The following SUGCT variants were observed in gnomAD, a reference collection of about 807,000 sequenced individuals.
SUGCT encodes succinyl-CoA:glutarate CoA-transferase.
A neutral mutation model predicts 55.0 loss-of-function variants in SUGCT; 41 were observed. That is an observed-to-expected ratio of 0.74 (90% CI 0.58 to 0.97). The LOEUF (loss-of-function observed/expected upper bound fraction) is 0.97, where lower values mean the gene tolerates loss of function less well. Ranked by LOEUF, SUGCT falls within the 50% of genes least tolerant of loss-of-function variation. The pLI is 0.00. For synonymous variants in SUGCT, 187 were observed against 200.4 expected, an observed-to-expected ratio of 0.93 and a Z score of 0.56; for missense variants, 568 against 547.8, an observed-to-expected ratio of 1.04 and a Z score of -0.37.
chr7:40,491,538 T>G (rs535280941), intron 11 of SUGCT, among the ~76,000 whole-genome samples: 1 of 152,172 alleles, frequency 6.6e-6, no homozygotes, highest in African/African-American at 2.4e-5. Flanking sequence ...CCTATGATAC[T>G]TAGAAAAAGG....
rs58954731 is a variant in SUGCT at position 40,415,061 on chromosome 7, AATCTATCT to A, written c.817-34179_817-34172del. Reference sequence around the variant, plus strand: ...CTCTGTCACAAAAAAAAAAAAAAAAAATCTATCTATCTATCTATCTATCTATCTATCTA... The same window carrying A: ...CTCTGTCACAAAAAAAAAAAAAAAAAATCTATCTATCTATCTATCTATCTA... On this transcript the variant is annotated intron_variant, in intron 9 of 13. Transcript: ENST00000335693. Among the ~76,000 whole-genome samples, 331 of 63,584 alleles carry A rather than the reference AATCTATCT, an allele frequency of 5.2e-3. 5 individuals carry two copies. The highest frequency in any genetic ancestry group is 0.013 in the African/African-American group (185 of 14,348). 41.7% of individuals were successfully genotyped at this position (63,584 alleles called of 152,430 possible).
At position 40,746,474 on chromosome 7, in the gene SUGCT, G is replaced by C. The variant is rs531477827; in HGVS notation, c.1090-2960G>C. ...ACACGGGGCTCACACCAGCCCATTT[G>C]CCTCATAATTGTATGCATGCTACAG... On this transcript the variant is annotated intron_variant, in intron 12 of 13. Coordinates refer to ENST00000335693, the MANE Select transcript of SUGCT (RefSeq NM_001193313.2). Among the ~76,000 whole-genome samples, 7 of 152,278 alleles carry C rather than the reference G, an allele frequency of 4.6e-5. No individual in the cohort carries two copies. The South Asian group carries it at 1.5e-3, about 32-fold the overall frequency.
At chr7:40,537,272 G>A (rs1441776839) in intron 12 of SUGCT, among the ~76,000 whole-genome samples, 1 of 152,130 alleles carries the variant, frequency 6.6e-6, no homozygotes, top group African/African-American at 2.4e-5. Flanking sequence ...TGAGTTCCAG[G>A]TTCAGGAAAG....
intron 7 of SUGCT, among the ~76,000 whole-genome samples, chr7:40,271,087 T>A (rs535530043): frequency 3.7e-4 from 57 of 152,288 alleles, no homozygotes; most frequent in African/African-American, 1.1e-3. Flanking sequence ...CTAAGAGTTT[T>A]TTAGTGGATT....
intron 13 of SUGCT, among the ~76,000 whole-genome samples, chr7:40,842,000 T>C (rs989450768): frequency 2.6e-5 from 4 of 152,216 alleles, no homozygotes; most frequent in Non-Finnish European, 5.9e-5. Flanking sequence ...TTAAATACTT[T>C]TAAATAATTC....
intron 13 of SUGCT, among the ~76,000 whole-genome samples, chr7:40,813,653 G>A (rs1363242670): frequency 6.6e-6 from 1 of 152,070 alleles, no homozygotes. Context: ...ACAATAGATG[G>A]ATGGGTATTA....
At chr7:40,443,184 C>T (rs546773105) in intron 9 of SUGCT, among the ~76,000 whole-genome samples, 9 of 152,120 alleles carry the variant, frequency 5.9e-5, no homozygotes, top group African/African-American at 1.9e-4. Context: ...AGTAAACATA[C>T]GTGTGCACGT....
chr7:40,815,413 G>A (rs1791619000), intron 13 of SUGCT, among the ~76,000 whole-genome samples: 1 of 152,060 alleles, frequency 6.6e-6, no homozygotes, highest in Non-Finnish European at 1.5e-5. Flanking sequence ...GGTCTGCCTG[G>A]TTATGGGGTA....
At chr7:40,490,169 G>A (rs1409742948) in intron 11 of SUGCT, among the ~76,000 whole-genome samples, 1 of 152,208 alleles carries the variant, frequency 6.6e-6, no homozygotes, top group East Asian at 1.9e-4. Context: ...TTGTGTGGAG[G>A]CTGTTCGTGG....
intron 1 of SUGCT, among the ~76,000 whole-genome samples, chr7:40,146,480 A>G (rs1192924631): frequency 1.3e-5 from 2 of 152,222 alleles, no homozygotes; most frequent in African/African-American, 4.8e-5. Flanking sequence ...ACAGAGATTT[A>G]CCCACATATT....
chr7:40,617,165 T>A (rs1480086433), intron 12 of SUGCT, among the ~76,000 whole-genome samples: 3 of 152,136 alleles, frequency 2.0e-5, no homozygotes, highest in Admixed American at 6.5e-5. Context: ...TCCTAAAGAC[T>A]GGAATTATGT....
intron 12 of SUGCT, among the ~76,000 whole-genome samples, chr7:40,511,755 A>G (rs953546627): frequency 1.3e-5 from 2 of 152,214 alleles, no homozygotes; most frequent in African/African-American, 4.8e-5. Context: ...ATAATGGCAA[A>G]GGGGGAGCCC....
Position 40,172,599 on chromosome 7 carries a change from C to T in SUGCT, c.101-8348C>T, listed in dbSNP as rs144463319. 1.0e-3 allele frequency among the ~76,000 whole-genome samples: 157 copies of T among 152,198 alleles called. 1 individual carries two copies. The highest frequency in any genetic ancestry group is 3.4e-3 in the Middle Eastern group (1 of 294). ...CTTTAAAAAAGTCATGATCAGGACCCAGGACGTATGGGTCAGAAGGAGATG... is the reference window on the plus strand; with the variant it reads ...CTTTAAAAAAGTCATGATCAGGACCTAGGACGTATGGGTCAGAAGGAGATG... On this transcript the variant is annotated intron_variant, in intron 1 of 13. Transcript: ENST00000335693.
chr7:40,820,912 G>T (rs1314642616), intron 13 of SUGCT, among the ~76,000 whole-genome samples: 1 of 152,110 alleles, frequency 6.6e-6, no homozygotes, highest in Non-Finnish European at 1.5e-5. Flanking sequence ...GTCATAAATA[G>T]CTCTTATTAT....
In SUGCT at chr7:40,749,349, G is replaced by A. The variant is rs1787892027; in HGVS notation, c.1090-85G>A. The A allele has an allele frequency of 1.3e-5, 13 of 1,026,944 alleles. 1 individual carries two copies. Among genetic ancestry groups the A allele is most frequent in the East Asian group, 2.4e-5 (1 of 41,994 alleles). 63.6% of individuals were successfully genotyped at this position (1,026,944 alleles called of 1,614,324 possible). A position where few individuals can be genotyped will look rare whatever the true frequency, so the allele number is the denominator to read the frequency against. The stretch of plus-strand genomic sequence containing the variant: ...TTTTGCCATATCTTTCTTTGATGTC[G>A]ACTGAATAGATGGCTGTCCATGCCT... On this transcript the variant is annotated intron_variant, in intron 12 of 13. Transcript: ENST00000335693.
intron 12 of SUGCT, among the ~76,000 whole-genome samples, chr7:40,519,679 G>A (rs999287406): frequency 5.9e-5 from 9 of 151,610 alleles, no homozygotes; most frequent in Non-Finnish European, 1.0e-4. Context: ...CATTTTAATG[G>A]GCCAATGTAT....
chr7:40,316,200 G>A (rs1417754370), intron 8 of SUGCT, among the ~76,000 whole-genome samples: 1 of 152,114 alleles, frequency 6.6e-6, no homozygotes, highest in Non-Finnish European at 1.5e-5. Flanking sequence ...AAATAATCTT[G>A]ATCTTTTCTG....
chr7:40,818,046 A>T (rs912578923), intron 13 of SUGCT, among the ~76,000 whole-genome samples: 1 of 152,220 alleles, frequency 6.6e-6, no homozygotes, highest in Non-Finnish European at 1.5e-5. Flanking sequence ...CAGAAACTCT[A>T]CTCATGCAAC....
intron 7 of SUGCT, among the ~76,000 whole-genome samples, chr7:40,272,113 G>A (rs6979211): frequency 0.88 from 81,903 of 92,622 alleles, 35,661 homozygotes; most frequent in South Asian, 0.95. Flanking sequence ...ATATATATAT[G>A]GATGTTTCAA....
Sources: gnomAD v4.1 joint callset for allele counts (sites outside exome capture counted in the v4.1 genomes callset) on GRCh38, gnomAD v4.1.1 for gene constraint, MANE v1.5 for transcripts, NCBI Gene and HGNC (gene_info 2026-07-23, HGNC 2026-07-21) for gene names.